CHODL: variants seen among roughly 807,000 people sequenced by gnomAD.
The protein encoded by CHODL is chondrolectin, also known as transmembrane protein MT75.
In CHODL, 29 loss-of-function variants were observed where a neutral mutation model predicts 34.5. The ratio of observed to expected loss-of-function variants is 0.84; its 90% CI spans 0.63 to 1.15. The LOEUF is 1.15. CHODL is among the 50% of genes most tolerant of loss of function. The pLI, the probability that CHODL is intolerant of heterozygous loss-of-function variation, is 0.00. For synonymous variants in CHODL, 125 were observed against 116.1 expected, an observed-to-expected ratio of 1.08 and a Z score of -0.49; for missense variants, 332 against 332.5, an observed-to-expected ratio of 1.00 and a Z score of 0.01.
chr21:17,987,138 G>T (rs2063759831), intron 1 of CHODL, among the ~76,000 whole-genome samples: 1 of 152,078 alleles, frequency 6.6e-6, no homozygotes, highest in Non-Finnish European at 1.5e-5. Context: ...TGGGGAGGAG[G>T]TTATAGCTGC....
chr21:18,068,195 CTTTTTTTCTT>C (rs2064754096), intron 2 of CHODL, among the ~76,000 whole-genome samples: 1 of 151,564 alleles, frequency 6.6e-6, no homozygotes, highest in African/African-American at 2.4e-5. Flanking sequence ...ATTCATTTTT[CTTTTTTTCTT>C]TTTTTTTTGA....
intron 1 of CHODL, among the ~76,000 whole-genome samples, chr21:17,992,925 C>A (rs944894750): frequency 1.3e-5 from 2 of 151,928 alleles, no homozygotes; most frequent in African/African-American, 4.8e-5. Flanking sequence ...AGTCCTGGGA[C>A]CACAGGTGTG....
At chr21:18,195,228 G>A (rs2073572275) in intron 2 of CHODL, among the ~76,000 whole-genome samples, 1 of 151,854 alleles carries the variant, frequency 6.6e-6, no homozygotes, top group South Asian at 2.1e-4. Flanking sequence ...CTAATTTTTT[G>A]TATTTTTAGT....
At chr21:18,092,065 G>A (rs2065080462) in intron 2 of CHODL, among the ~76,000 whole-genome samples, 1 of 152,204 alleles carries the variant, frequency 6.6e-6, no homozygotes, top group South Asian at 2.1e-4. Context: ...AAGGTCCAGT[G>A]CTGTGCTGGT....
chr21:18,203,577 A>G (rs937828594), intron 2 of CHODL, among the ~76,000 whole-genome samples: 39 of 152,152 alleles, frequency 2.6e-4, no homozygotes, highest in Admixed American at 2.2e-3. Context: ...CTGTAATTAT[A>G]CTTACAACAC....
chr21:18,003,910 A>G (rs945878494), intron 1 of CHODL, among the ~76,000 whole-genome samples: 4 of 152,196 alleles, frequency 2.6e-5, no homozygotes, highest in African/African-American at 9.6e-5. Flanking sequence ...TGGGCATAAG[A>G]ATAATTCTCA....
At chr21:18,225,385 C>T (rs2073921956) in intron 2 of CHODL, among the ~76,000 whole-genome samples, 1 of 152,040 alleles carries the variant, frequency 6.6e-6, no homozygotes, top group African/African-American at 2.4e-5. Context: ...TTATAGTTGT[C>T]ACCTTATAGA....
intron 2 of CHODL, among the ~76,000 whole-genome samples, chr21:18,118,224 G>A (rs1242354004): frequency 6.6e-6 from 1 of 152,082 alleles, no homozygotes; most frequent in East Asian, 1.9e-4. Context: ...TGTTTATTGA[G>A]CCTCAATCAT....
chr21:17,966,285 G>A (rs933602819), intron 1 of CHODL, among the ~76,000 whole-genome samples: 1 of 152,050 alleles, frequency 6.6e-6, no homozygotes, highest in African/African-American at 2.4e-5. Flanking sequence ...AACAGATTGT[G>A]GATTATTTCC....
At chr21:17,960,495 C>T (rs756025782) in intron 1 of CHODL, among the ~76,000 whole-genome samples, 1 of 152,022 alleles carries the variant, frequency 6.6e-6, no homozygotes, top group Non-Finnish European at 1.5e-5. Context: ...TTTTTCAGTT[C>T]TCATCTTAAC....
chr21:18,099,723 A>G (rs576482974), intron 2 of CHODL, among the ~76,000 whole-genome samples: 1 of 152,106 alleles, frequency 6.6e-6, no homozygotes, highest in South Asian at 2.1e-4. Flanking sequence ...TTCAATAAAC[A>G]TATGTATATT....
chr21:17,921,320 T>C (rs1568798708), intron 1 of CHODL, among the ~76,000 whole-genome samples: 3 of 152,226 alleles, frequency 2.0e-5, no homozygotes, highest in Non-Finnish European at 2.9e-5. Context: ...GGCAATCTTC[T>C]TTATGCAAAG....
intron 1 of CHODL, among the ~76,000 whole-genome samples, chr21:18,002,621 G>A (rs1362208110): frequency 6.6e-6 from 1 of 152,054 alleles, no homozygotes; most frequent in Non-Finnish European, 1.5e-5. Flanking sequence ...GAGTAGTTTA[G>A]CCCTCAGGAG....
chr21:18,259,513 CT>C (rs1201154453), intron 3 of CHODL, among the ~76,000 whole-genome samples: 8 of 152,098 alleles, frequency 5.3e-5, no homozygotes, highest in Non-Finnish European at 1.0e-4. Context: ...ACATGTACCC[CT>C]GAACTTAAAA....
intron 2 of CHODL, among the ~76,000 whole-genome samples, chr21:18,128,296 C>CAAAAAAA (rs71189585): frequency 2.1e-4 from 6 of 28,058 alleles, no homozygotes; most frequent in Non-Finnish European, 3.7e-4. Context: ...GCAAGAGTCT[C>CAAAAAAA]AAAAAAAAAA....
At chr21:18,194,292 C>G (rs1275898775) in intron 2 of CHODL, among the ~76,000 whole-genome samples, 1 of 152,044 alleles carries the variant, frequency 6.6e-6, no homozygotes, top group Admixed American at 6.5e-5. Context: ...AATAGATTTC[C>G]TATCCCCAAG....
intron 2 of CHODL, among the ~76,000 whole-genome samples, chr21:18,078,887 T>G (rs888750580): frequency 6.6e-6 from 1 of 152,194 alleles, no homozygotes. Context: ...TTGTCTAAGG[T>G]CCTACAGCTA....
chr21:17,981,803 A>G (rs2063716026), intron 1 of CHODL, among the ~76,000 whole-genome samples: 1 of 152,178 alleles, frequency 6.6e-6, no homozygotes, highest in African/African-American at 2.4e-5. Context: ...GAATATAGGG[A>G]AAGGGTGAAA....
chr21:18,007,979 T>G (rs1204992827), intron 1 of CHODL, among the ~76,000 whole-genome samples: 1 of 152,174 alleles, frequency 6.6e-6, no homozygotes, highest in Non-Finnish European at 1.5e-5. Flanking sequence ...CATAAATCTA[T>G]GATTATACTA....
Sources: allele counts gnomAD v4.1 joint callset (sites outside exome capture counted in the v4.1 genomes callset), GRCh38; gene constraint gnomAD v4.1.1; transcripts MANE v1.5; gene names NCBI Gene and HGNC (gene_info 2026-07-23, HGNC 2026-07-21).